FGF12: variants seen among roughly 807,000 people sequenced by gnomAD.
FGF12 encodes the protein fibroblast growth factor 12.
In FGF12, 14 loss-of-function variants were observed where a neutral mutation model predicts 23.6. That is an observed-to-expected ratio of 0.59 (90% confidence interval 0.39 to 0.93). The LOEUF is 0.93. Among genes scored for constraint, FGF12 ranks in the 40% least tolerant of loss-of-function variants. The pLI, the probability that FGF12 is intolerant of heterozygous loss-of-function variation, is 0.00. For missense variants in FGF12, 175 were observed against 217.8 expected (o/e 0.80, Z 1.24); for synonymous variants, 62 against 77.3 (o/e 0.80, Z 1.04).
At chr3:192,673,370 T>C (rs1717203584) in intron 2 of FGF12, 1 of 151,126 alleles carries the variant, frequency 6.6e-6, no homozygotes, top group Admixed American at 6.6e-5. Flanking sequence ...CAGAAACCTT[T>C]TCCTTTTTTA....
chr3:192,477,811 G>A lies in FGF12; in HGVS notation c.14-117273C>T, dbSNP rs530078459. Among the ~76,000 whole-genome samples the A allele has an allele frequency of 3.0e-4, 45 of 152,284 alleles. No individual in the cohort carries two copies. In the South Asian group the frequency reaches 9.3e-3, roughly 32 times the overall value. The stretch of plus-strand genomic sequence containing the variant: ...ATTTATAATGATAGTTTAATATGCT[G>A]TTTGATCAATTATTCTTTCAGGTTC... On this transcript the variant is annotated intron_variant, in intron 2 of 5. Coordinates refer to ENST00000445105, the MANE Select transcript of FGF12 (RefSeq NM_004113.6).
chr3:192,677,849 G>A (rs371971894), intron 2 of FGF12, among the ~76,000 whole-genome samples: 2 of 152,174 alleles, frequency 1.3e-5, no homozygotes, highest in Admixed American at 1.3e-4. Flanking sequence ...TACGTCTGGG[G>A]CAGGCTGACT....
chr3:192,414,557 A>AT (rs1199341085), intron 2 of FGF12, among the ~76,000 whole-genome samples: 1 of 152,226 alleles, frequency 6.6e-6, no homozygotes, highest in Non-Finnish European at 1.5e-5. Flanking sequence ...CTTCTCATGT[A>AT]TTATCTCACT....
chr3:192,347,930 T>C (rs1718038331), intron 3 of FGF12, among the ~76,000 whole-genome samples: 1 of 152,150 alleles, frequency 6.6e-6, no homozygotes, highest in South Asian at 2.1e-4. Flanking sequence ...GAACTCTGGT[T>C]TCAAAGTGTT....
chr3:192,555,633 A>G, intron 2 of FGF12, among the ~76,000 whole-genome samples: 1 of 134,920 alleles, frequency 7.4e-6, no homozygotes, highest in Non-Finnish European at 1.7e-5. Flanking sequence ...AAAGTACCAA[A>G]AAAAAAAAAA....
intron 2 of FGF12, among the ~76,000 whole-genome samples, chr3:192,407,038 G>A (rs1720982621): frequency 6.6e-6 from 1 of 152,212 alleles, no homozygotes; most frequent in African/African-American, 2.4e-5. Context: ...ACAGTCTGAT[G>A]GAAGCACAGA....
At chr3:192,686,460 C>T (rs1717736726) in intron 2 of FGF12, among the ~76,000 whole-genome samples, 1 of 152,138 alleles carries the variant, frequency 6.6e-6, no homozygotes, top group Non-Finnish European at 1.5e-5. Flanking sequence ...AGTTTGGGCA[C>T]CCACCATTCT....
chr3:192,480,350 C>T (rs1185775732), intron 2 of FGF12, among the ~76,000 whole-genome samples: 1 of 152,140 alleles, frequency 6.6e-6, no homozygotes, highest in Admixed American at 6.6e-5. Flanking sequence ...CTTTAAGTAT[C>T]AACATTAACT....
At chr3:192,589,771 T>G (rs73060528) in intron 2 of FGF12, among the ~76,000 whole-genome samples, 9,704 of 151,958 alleles carry the variant, frequency 0.064, 899 homozygotes, top group African/African-American at 0.2. Context: ...TCCCTCACTT[T>G]ACATAAAGAG....
chr3:192,379,090 A>AT (rs541111111), intron 2 of FGF12, among the ~76,000 whole-genome samples: 22 of 152,090 alleles, frequency 1.4e-4, no homozygotes, highest in Admixed American at 1.4e-3. Context: ...CACGATTTAA[A>AT]TTTTTTCTGG....
In FGF12 at chr3:192,143,848, T is replaced by C; in HGVS notation, c.*161A>G. ...AGCAAGCTTTGGTTCAATTTTCTTGTCCTACACAAAGGAAGATTTTGAGTG... is the reference window on the plus strand; with the variant it reads ...AGCAAGCTTTGGTTCAATTTTCTTGCCCTACACAAAGGAAGATTTTGAGTG... On this transcript the variant is annotated 3_prime_UTR_variant, in exon 6 of 6. Transcript: ENST00000445105. 1.8e-6 allele frequency: 1 copy of C among 563,212 alleles called. No individual in the cohort carries two copies. The highest frequency in any genetic ancestry group is 3.2e-6 in the Non-Finnish European group (1 of 314,942). The allele number at this position is 563,212 out of a possible 1,614,324, so 34.9% of individuals were successfully genotyped here.
intron 3 of FGF12, among the ~76,000 whole-genome samples, chr3:192,344,768 T>C (rs1204555750): frequency 1.3e-5 from 2 of 152,224 alleles, no homozygotes; most frequent in Non-Finnish European, 2.9e-5. Context: ...GATAATATCA[T>C]ATAACCTTTC....
chr3:192,319,996 CT>C (rs1256779617), intron 4 of FGF12, among the ~76,000 whole-genome samples: 1 of 152,184 alleles, frequency 6.6e-6, no homozygotes, highest in African/African-American at 2.4e-5. Flanking sequence ...AAAATTCCTT[CT>C]TTATCAATAA....
intron 2 of FGF12, among the ~76,000 whole-genome samples, chr3:192,565,082 T>C (rs950818524): frequency 2.6e-5 from 4 of 152,240 alleles, no homozygotes. Flanking sequence ...CACTGTTTAT[T>C]AACTAAAAAT....
At chr3:192,293,765 T>G (rs1312114574) in intron 4 of FGF12, among the ~76,000 whole-genome samples, 1 of 152,232 alleles carries the variant, frequency 6.6e-6, no homozygotes, top group Admixed American at 6.5e-5. Flanking sequence ...CTCCTAGTTC[T>G]TGCTTATCTT....
chr3:192,229,646 G>A (rs942651192), intron 4 of FGF12, among the ~76,000 whole-genome samples: 1 of 152,030 alleles, frequency 6.6e-6, no homozygotes, highest in Admixed American at 6.5e-5. Context: ...TCCATGTTAT[G>A]TAGTTTAAAA....
intron 2 of FGF12, among the ~76,000 whole-genome samples, chr3:192,383,892 G>A (rs1404756433): frequency 1.3e-5 from 2 of 152,178 alleles, no homozygotes; most frequent in Non-Finnish European, 2.9e-5. Flanking sequence ...AGATATAAAT[G>A]TGGCAGTGTT....
intron 2 of FGF12, among the ~76,000 whole-genome samples, chr3:192,587,095 C>T (rs1713405864): frequency 6.8e-6 from 1 of 147,896 alleles, no homozygotes; most frequent in East Asian, 1.9e-4. Flanking sequence ...TGAATTAAAT[C>T]TCTAAGGTTA....
chr3:192,458,140 C>A lies in FGF12; in HGVS notation c.14-97602G>T, dbSNP rs747910473. On this transcript the variant is annotated intron_variant, in intron 2 of 5. Transcript: ENST00000445105. ...GTATGGAAACGCCTGGATGCCCAGGCGAAAGTTTGCTGCAGAGGTGGGGCC... is the reference window on the plus strand; with the variant it reads ...GTATGGAAACGCCTGGATGCCCAGGAGAAAGTTTGCTGCAGAGGTGGGGCC... Among the ~76,000 whole-genome samples the A allele has an allele frequency of 2.0e-5, 3 of 152,140 alleles. No homozygotes were observed. The South Asian group carries it at 6.2e-4, about 32-fold the overall frequency.
Sources: gnomAD v4.1 joint callset for allele counts (sites outside exome capture counted in the v4.1 genomes callset) on GRCh38, gnomAD v4.1.1 for gene constraint, MANE v1.5 for transcripts, NCBI Gene and HGNC (gene_info 2026-07-23, HGNC 2026-07-21) for gene names.